PATJ: variants seen among roughly 807,000 people sequenced by gnomAD.
The protein encoded by PATJ is inaD-like protein.
Under a neutral mutation model 224.9 loss-of-function variants are expected in PATJ, and 190 were observed. The ratio of observed to expected loss-of-function variants is 0.84; its 90% CI spans 0.75 to 0.95. The LOEUF is 0.95. PATJ is among the 40% of genes least tolerant of loss of function. PATJ has a pLI of 0.00. For synonymous variants in PATJ, 769 were observed against 820.3 expected (o/e 0.94, Z 1.07); for missense variants, 2,121 against 2,270.3 (o/e 0.93, Z 1.34).
chr1:61,883,556 C>T (rs1668379931), intron 21 of PATJ, among the ~76,000 whole-genome samples: 1 of 151,974 alleles, frequency 6.6e-6, no homozygotes, highest in African/African-American at 2.4e-5. Flanking sequence ...TCGAGACCAG[C>T]CTGGCCAACA....
chr1:61,990,445 G>C, intron 28 of PATJ, 81 bp downstream of exon 28: 3 of 883,396 alleles, frequency 3.4e-6, no homozygotes, highest in Non-Finnish European at 4.9e-6. Flanking sequence ...TGAGGTGAAA[G>C]GGAAGAATGA....
At chr1:61,823,738 AT>A (rs1425428070) in intron 15 of PATJ, among the ~76,000 whole-genome samples, 1 of 150,930 alleles carries the variant, frequency 6.6e-6, no homozygotes, top group Admixed American at 6.6e-5. Context: ...GATTTTAGAG[AT>A]TTTTTTTTTC....
chr1:61,978,485 G>A (rs1413041417), intron 27 of PATJ, among the ~76,000 whole-genome samples: 12 of 151,882 alleles, frequency 7.9e-5, no homozygotes, highest in Non-Finnish European at 1.2e-4. Context: ...GGCTGGTCTC[G>A]AACTCCCAAC....
At chr1:61,922,052 T>A (rs2149264242) in intron 26 of PATJ, among the ~76,000 whole-genome samples, 1 of 151,984 alleles carries the variant, frequency 6.6e-6, no homozygotes, top group African/African-American at 2.4e-5. Context: ...ATTATTTTTA[T>A]TTTTTTTCAA....
At chr1:61,812,281 A>T (rs1230482681) in intron 14 of PATJ, among the ~76,000 whole-genome samples, 2 of 151,920 alleles carry the variant, frequency 1.3e-5, no homozygotes, top group South Asian at 2.1e-4. Context: ...AAGGCTTCAG[A>T]TGATATCAGT....
chr1:62,059,786 A>G (rs1053352705), intron 31 of PATJ, among the ~76,000 whole-genome samples: 5 of 152,238 alleles, frequency 3.3e-5, no homozygotes, highest in Non-Finnish European at 7.3e-5. Context: ...ACTGAAACCA[A>G]GGATCTGGCC....
At chr1:62,000,687 AT>A (rs372843477) in intron 28 of PATJ, among the ~76,000 whole-genome samples, 1,959 of 147,794 alleles carry the variant, frequency 0.013, 19 homozygotes, top group African/African-American at 0.035. Context: ...TAGCAGCATG[AT>A]TTATAGTCCT....
At chr1:61,885,490 C>G (rs1668691333) in intron 22 of PATJ, among the ~76,000 whole-genome samples, 3 of 151,870 alleles carry the variant, frequency 2.0e-5, no homozygotes, top group Admixed American at 2.0e-4. Context: ...CCATCTCACA[C>G]CAGTTAGAAT....
At chr1:61,990,878 A>G (rs1348757295) in intron 28 of PATJ, among the ~76,000 whole-genome samples, 2 of 152,178 alleles carry the variant, frequency 1.3e-5, no homozygotes, top group Non-Finnish European at 1.5e-5. Context: ...TAGAATAGAC[A>G]AAAGAGAAGC....
rs567852980 is a variant in PATJ at position 61,803,309 on chromosome 1, AT to A, written c.1549+1550del. ...AAATAAATAAAAGATAAAACATTCAATTTTTTTTTTACTAATCAAAGTACCT... is the reference window on the plus strand; with the variant it reads ...AAATAAATAAAAGATAAAACATTCAATTTTTTTTTACTAATCAAAGTACCT... On this transcript the variant is annotated intron_variant, in intron 12 of 43. Coordinates refer to ENST00000642238, the MANE Select transcript of PATJ (RefSeq NM_001350145.3). Among the ~76,000 whole-genome samples the A allele has an allele frequency of 2.0e-3, 298 of 150,238 alleles. 1 individual carries two copies. The highest frequency in any genetic ancestry group is 4.6e-3 in the African/African-American group (188 of 41,064).
chr1:61,881,699 A>G (rs1490308036), intron 21 of PATJ, among the ~76,000 whole-genome samples: 2 of 152,170 alleles, frequency 1.3e-5, no homozygotes, highest in Admixed American at 6.5e-5. Flanking sequence ...GGTGTGAGCT[A>G]CCGCACCCAG....
At chr1:62,149,128 CAAAAA>C (rs773276557) in intron 42 of PATJ, among the ~76,000 whole-genome samples, 1 of 60,432 alleles carries the variant, frequency 1.7e-5, no homozygotes, top group Non-Finnish European at 3.6e-5. Flanking sequence ...AACTCCATCT[CAAAAA>C]AAAAAAAAAA....
chr1:61,774,211 T>A (rs1646791992), intron 6 of PATJ, among the ~76,000 whole-genome samples: 2 of 151,560 alleles, frequency 1.3e-5, no homozygotes, highest in Admixed American at 1.3e-4. Context: ...GGATGGATGA[T>A]CACAGGAGTT....
At chr1:62,069,901 A>G (rs1483944685) in intron 31 of PATJ, among the ~76,000 whole-genome samples, 1 of 151,834 alleles carries the variant, frequency 6.6e-6, no homozygotes, top group Non-Finnish European at 1.5e-5. Flanking sequence ...TAAAAAAATG[A>G]AGGTTTCCAA....
intron 21 of PATJ, among the ~76,000 whole-genome samples, chr1:61,880,334 T>G (rs1667922843): frequency 6.6e-6 from 1 of 152,230 alleles, no homozygotes; most frequent in African/African-American, 2.4e-5. Flanking sequence ...TATAAACATT[T>G]GTTAAGTGAA....
At chr1:61,927,904 A>G in intron 27 of PATJ, 75 bp downstream of exon 27, 1 of 1,046,516 alleles carries the variant, frequency 9.6e-7, no homozygotes, top group Admixed American at 2.2e-5. Context: ...GTAAATTATC[A>G]AATATATGGC....
chr1:61,801,543 C>G (rs1288519097), intron 11 of PATJ, 80 bp from the exon 12 acceptor site: 1 of 759,928 alleles, frequency 1.3e-6, no homozygotes, highest in Non-Finnish European at 1.9e-6. Context: ...AAAATCTGCT[C>G]ACTTAAATAT....
intron 35 of PATJ, chr1:62,114,680 G>A (rs1570660845): frequency 6.2e-6 from 1 of 162,476 alleles, no homozygotes; most frequent in East Asian, 1.9e-4. Flanking sequence ...ATACTATGTT[G>A]AAACTAGTTG....
chr1:61,914,048 C>G (rs1278069467), intron 25 of PATJ, among the ~76,000 whole-genome samples: 1 of 152,164 alleles, frequency 6.6e-6, no homozygotes, highest in Non-Finnish European at 1.5e-5. Flanking sequence ...AGTTATGTAT[C>G]TTCTCAGGCT....
Sources: allele counts gnomAD v4.1 joint callset (sites outside exome capture counted in the v4.1 genomes callset), GRCh38; gene constraint gnomAD v4.1.1; transcripts MANE v1.5; gene names NCBI Gene and HGNC (gene_info 2026-07-23, HGNC 2026-07-21).